Variants in DCHS2 observed in about 807,000 individuals in gnomAD.
DCHS2 encodes the protein dachsous cadherin-related 2.
In DCHS2, 142 loss-of-function variants were observed where a neutral mutation model predicts 182.4. That is an observed-to-expected ratio of 0.78 (90% CI 0.68 to 0.89). The LOEUF (loss-of-function observed/expected upper bound fraction) is 0.89, where lower values mean the gene tolerates loss of function less well. DCHS2 is among the 40% of genes least tolerant of loss of function. DCHS2 has a pLI of 0.00. For synonymous variants in DCHS2, 1,740 were observed against 1,663.3 expected (o/e 1.05, Z -1.12); for missense variants, 4,319 against 4,198.6 (o/e 1.03, Z -0.79).
At chr4:154,444,549 G>A (rs1734183309) in intron 1 of DCHS2, among the ~76,000 whole-genome samples, 1 of 152,052 alleles carries the variant, frequency 6.6e-6, no homozygotes, top group Non-Finnish European at 1.5e-5. Context: ...ACCACCCTGG[G>A]CTGAGCCAGC....
chr4:154,368,754 C>T (rs1730511235), intron 2 of DCHS2, among the ~76,000 whole-genome samples: 1 of 152,158 alleles, frequency 6.6e-6, no homozygotes, highest in Non-Finnish European at 1.5e-5. Flanking sequence ...CCACCTTGGC[C>T]TCCCAAAGTT....
intron 1 of DCHS2, among the ~76,000 whole-genome samples, chr4:154,417,200 TGTGTGAGAGAGAGAGAGAGAGAGAGA>T (rs1732885360): frequency 2.1e-5 from 1 of 47,902 alleles, no homozygotes; most frequent in Admixed American, 2.4e-4. Context: ...TGTGTGTGTG[TGTGTGAGAGAGAGAGAGAGAGAGAGA>T]GAGAGAGAGA....
At chr4:154,432,599 G>T (rs569192511) in intron 1 of DCHS2, among the ~76,000 whole-genome samples, 2 of 150,564 alleles carry the variant, frequency 1.3e-5, no homozygotes, top group South Asian at 2.1e-4. Context: ...AACACTAAAA[G>T]AATAGGCACA....
At chr4:154,444,569 C>T (rs968799493) in intron 1 of DCHS2, among the ~76,000 whole-genome samples, 1 of 152,182 alleles carries the variant, frequency 6.6e-6, no homozygotes, top group African/African-American at 2.4e-5. Context: ...CACCACCTTG[C>T]ACCTGCATTA....
intron 15 of DCHS2, among the ~76,000 whole-genome samples, chr4:154,256,336 T>C (rs971121387): frequency 3.9e-5 from 6 of 152,076 alleles, no homozygotes; most frequent in Non-Finnish European, 8.8e-5. Context: ...GGTTTTCCCA[T>C]TTTGCCCAGG....
At chr4:154,348,597 C>T (rs781219651) in intron 3 of DCHS2, among the ~76,000 whole-genome samples, 5 of 151,700 alleles carry the variant, frequency 3.3e-5, no homozygotes, top group East Asian at 1.9e-4. Flanking sequence ...ATCCAATGAC[C>T]GGTGTCCACA....
chr4:154,257,855 C>T (rs183190444), intron 15 of DCHS2, among the ~76,000 whole-genome samples: 54 of 152,314 alleles, frequency 3.5e-4, no homozygotes, highest in African/African-American at 1.2e-3. Flanking sequence ...TACAAGTCTG[C>T]CATAATTTGA....
chr4:154,379,707 G>A (rs1731082446), intron 1 of DCHS2, among the ~76,000 whole-genome samples: 1 of 152,076 alleles, frequency 6.6e-6, no homozygotes, highest in Non-Finnish European at 1.5e-5. Context: ...AAAATAATAA[G>A]CTTTTCATCA....
chr4:154,384,892 G>GT (rs71600322), intron 1 of DCHS2, among the ~76,000 whole-genome samples: 58,476 of 151,418 alleles, frequency 0.39, 11,810 homozygotes, highest in East Asian at 0.66. Flanking sequence ...AATTTCCGCT[G>GT]TTTTTTTTAA....
intron 14 of DCHS2, among the ~76,000 whole-genome samples, chr4:154,268,669 T>C (rs751566318): frequency 6.6e-6 from 1 of 152,176 alleles, no homozygotes; most frequent in Non-Finnish European, 1.5e-5. Flanking sequence ...GGCATGTGTA[T>C]GGGTTTTTAT....
intron 1 of DCHS2, among the ~76,000 whole-genome samples, chr4:154,481,202 C>G (rs935036327): frequency 6.6e-6 from 1 of 152,082 alleles, no homozygotes; most frequent in Non-Finnish European, 1.5e-5. Context: ...ATATCTCTAG[C>G]CATTTAACAT....
At chr4:154,238,204 A>G (rs1731630044) in intron 19 of DCHS2, among the ~76,000 whole-genome samples, 1 of 152,112 alleles carries the variant, frequency 6.6e-6, no homozygotes, top group African/African-American at 2.4e-5. Flanking sequence ...GAAGAGCCAA[A>G]TTCCTGATAC....
At chr4:154,393,155 T>A (rs1335379333) in intron 1 of DCHS2, among the ~76,000 whole-genome samples, 1 of 152,200 alleles carries the variant, frequency 6.6e-6, no homozygotes, top group Non-Finnish European at 1.5e-5. Context: ...AGCATACAGC[T>A]ATATGATTAA....
chr4:154,298,552 AC>A lies in DCHS2; in HGVS notation c.5761del (p.Val1921LeufsTer22). On this transcript the variant is annotated frameshift_variant, in exon 13 of 20. Coordinates refer to ENST00000357232, the MANE Select transcript of DCHS2 (RefSeq NM_001358235.2). LOFTEE classifies it high-confidence loss of function. ...GTGGTCATTGGCATCCAAAACTCTA[AC>A]TTGCAGGTGTATTACAGAGCTCCTA... is the stretch of plus-strand genomic sequence containing the variant. Reference protein sequence around the residue: ...PPRSSVIHLQVRVLDANDHSP... With the variant: ...PPRSSVIHLQXRVLDANDHSP... The A allele has an allele frequency of 6.2e-7, 1 of 1,614,142 alleles. No individual in the cohort carries two copies. Among genetic ancestry groups the A allele is most frequent in the South Asian group, 1.1e-5 (1 of 91,078 alleles).
chr4:154,421,213 T>C (rs55652611), intron 1 of DCHS2, among the ~76,000 whole-genome samples: 38,430 of 152,046 alleles, frequency 0.25, 6,154 homozygotes, highest in Middle Eastern at 0.42. Flanking sequence ...CTGGTTTTCA[T>C]TGATATAATC....
In DCHS2 at chr4:154,332,942, T is replaced by C. The variant is rs1728530088; in HGVS notation, c.3266A>G (p.Tyr1089Cys). 1.2e-6 allele frequency: 2 copies of C among 1,614,086 alleles called. No homozygotes were observed. The highest frequency in any genetic ancestry group is 1.1e-5 in the South Asian group (1 of 91,088). Residue 1089 changes from tyrosine to cysteine, a missense_variant, in exon 5 of 20, where the codon TAT becomes TGT. Coordinates refer to ENST00000357232, the MANE Select transcript of DCHS2 (RefSeq NM_001358235.2). ...GAGAGACTCACTGACTTCCACTTGA[T>C]AGACCAAATGTTCGAAAGTCCAGGA... Reference protein sequence around the residue: ...SPSWTFEHLVYQVEVSESLSP... With the variant: ...SPSWTFEHLVCQVEVSESLSP...
rs1360198081 is a variant in DCHS2 at position 154,236,098 on chromosome 4, CTG to C, written c.8552_8553del (p.Thr2851SerfsTer8). On this transcript the variant is annotated frameshift_variant, in exon 20 of 20. Coordinates refer to ENST00000357232, the MANE Select transcript of DCHS2 (RefSeq NM_001358235.2). LOFTEE classifies it low-confidence loss of function (END_TRUNC). ...GCATCACCTTTGTCTTTGGCTTGGA[CTG>C]TGAGGCAGTATTTATTGCCATTTTC... ...DYENGNKYCL[T>X]VQAKDKGDAT... 1.9e-6 allele frequency: 3 copies of C among 1,613,688 alleles called. No individual in the cohort carries two copies. Among genetic ancestry groups the C allele is most frequent in the Non-Finnish European group, 2.5e-6 (3 of 1,179,942 alleles).
intron 16 of DCHS2, among the ~76,000 whole-genome samples, chr4:154,252,353 T>TTTG (rs1732411703): frequency 6.6e-6 from 1 of 152,198 alleles, no homozygotes; most frequent in Non-Finnish European, 1.5e-5. Flanking sequence ...TTATAATCTT[T>TTTG]TTGTTATTTT....
At chr4:154,284,103 T>C (rs1734280285) in intron 13 of DCHS2, among the ~76,000 whole-genome samples, 1 of 152,208 alleles carries the variant, frequency 6.6e-6, no homozygotes, top group African/African-American at 2.4e-5. Context: ...AAATGCCTTT[T>C]AAGATGTTTT....
Sources: gnomAD v4.1 joint callset for allele counts (sites outside exome capture counted in the v4.1 genomes callset) on GRCh38, gnomAD v4.1.1 for gene constraint, MANE v1.5 for transcripts, NCBI Gene and HGNC (gene_info 2026-07-23, HGNC 2026-07-21) for gene names.